KCNIP4: variants seen among roughly 807,000 people sequenced by gnomAD.
The protein encoded by KCNIP4 is Kv channel-interacting protein 4.
KCNIP4 carries 12 observed loss-of-function variants against 34.0 expected under a neutral mutation model. That is an observed-to-expected ratio of 0.35 (90% confidence interval 0.23 to 0.57). KCNIP4 has a LOEUF of 0.57. KCNIP4 is among the 20% of genes least tolerant of loss of function. The pLI is 0.83. For synonymous variants in KCNIP4, 124 were observed against 102.2 expected (o/e 1.21, Z -1.29); for missense variants, 238 against 311.7 (o/e 0.76, Z 1.78).
chr4:20,878,453 T>C (rs113224397), intron 2 of KCNIP4, among the ~76,000 whole-genome samples: 1 of 152,192 alleles, frequency 6.6e-6, no homozygotes, highest in African/African-American at 2.4e-5. Context: ...CCAATCAAGA[T>C]ATGTCCCCTG....
intron 1 of KCNIP4, among the ~76,000 whole-genome samples, chr4:21,661,947 G>T (rs556257304): frequency 6.6e-6 from 1 of 152,050 alleles, no homozygotes; most frequent in Non-Finnish European, 1.5e-5. Context: ...CAGTTTTCTC[G>T]CTGTAAGAGA....
intron 1 of KCNIP4, among the ~76,000 whole-genome samples, chr4:21,345,557 C>A (rs1398350247): frequency 1.3e-5 from 2 of 151,942 alleles, no homozygotes; most frequent in Non-Finnish European, 2.9e-5. Context: ...AAACTTTGTC[C>A]TACTCCAATG....
intron 1 of KCNIP4, among the ~76,000 whole-genome samples, chr4:21,642,270 C>T (rs202104699): frequency 6.6e-6 from 1 of 151,194 alleles, no homozygotes; most frequent in Non-Finnish European, 1.5e-5. Flanking sequence ...TTTGAAGACT[C>T]GGTTACAGTG....
At chr4:21,477,518 T>G (rs1477291615) in intron 1 of KCNIP4, among the ~76,000 whole-genome samples, 1 of 152,114 alleles carries the variant, frequency 6.6e-6, no homozygotes, top group African/African-American at 2.4e-5. Flanking sequence ...GGGCCACAAC[T>G]CCACAGCTTA....
At chr4:21,753,124 T>C (rs1717264953) in intron 1 of KCNIP4, among the ~76,000 whole-genome samples, 1 of 152,138 alleles carries the variant, frequency 6.6e-6, no homozygotes. Flanking sequence ...ATATCTGGCA[T>C]GTTTGAGTGA....
intron 1 of KCNIP4, among the ~76,000 whole-genome samples, chr4:21,895,165 A>T (rs28485804): frequency 0.32 from 48,654 of 152,028 alleles, 8,251 homozygotes; most frequent in African/African-American, 0.44. Flanking sequence ...GCCCTAGAGT[A>T]TTTGTTTGTT....
At chr4:21,003,873 AT>A (rs1738339368) in intron 1 of KCNIP4, among the ~76,000 whole-genome samples, 1 of 152,164 alleles carries the variant, frequency 6.6e-6, no homozygotes, top group South Asian at 2.1e-4. Context: ...AAGCAAAGGT[AT>A]GGGGGGTCTG....
At chr4:21,156,425 T>G (rs1753150388) in intron 1 of KCNIP4, among the ~76,000 whole-genome samples, 1 of 152,152 alleles carries the variant, frequency 6.6e-6, no homozygotes, top group Non-Finnish European at 1.5e-5. Context: ...TAGGGGATCA[T>G]GAAACAATTA....
chr4:21,234,789 A>T (rs1268688772), intron 1 of KCNIP4, among the ~76,000 whole-genome samples: 1 of 151,504 alleles, frequency 6.6e-6, no homozygotes, highest in Non-Finnish European at 1.5e-5. Flanking sequence ...CTGAGATTAC[A>T]GGTGCCCGCT....
In KCNIP4 at chr4:21,793,860, A is replaced by G. The variant is rs1251474287; in HGVS notation, c.61+154711T>C. ...GTATGTTTATTGTGTCACTATTCACAATAGCAAAGACTTGGAACCAACCCA... is the reference window on the plus strand; with the variant it reads ...GTATGTTTATTGTGTCACTATTCACGATAGCAAAGACTTGGAACCAACCCA... On this transcript the variant is annotated intron_variant, in intron 1 of 8. Coordinates refer to ENST00000382152, the MANE Select transcript of KCNIP4 (RefSeq NM_025221.6). Among the ~76,000 whole-genome samples the G allele has an allele frequency of 2.0e-5, 3 of 152,202 alleles. No individual in the cohort carries two copies. The South Asian group carries it at 6.2e-4, about 31-fold the overall frequency.
At chr4:20,806,393 T>A (rs1715092049) in intron 3 of KCNIP4, among the ~76,000 whole-genome samples, 1 of 152,072 alleles carries the variant, frequency 6.6e-6, no homozygotes, top group African/African-American at 2.4e-5. Flanking sequence ...ACTACTTCAA[T>A]GCATTTTACT....
chr4:20,806,465 T>C (rs921224990), intron 3 of KCNIP4, among the ~76,000 whole-genome samples: 13 of 152,066 alleles, frequency 8.5e-5, no homozygotes, highest in African/African-American at 3.1e-4. Flanking sequence ...TTGTTGCAAC[T>C]TGTTTTCTTT....
intron 1 of KCNIP4, among the ~76,000 whole-genome samples, chr4:20,934,320 C>A (rs979096903): frequency 6.6e-6 from 1 of 152,164 alleles, no homozygotes; most frequent in African/African-American, 2.4e-5. Flanking sequence ...ATGGTGGCCA[C>A]CTCACCTATG....
At chr4:21,146,204 TTGG>T (rs1400955649) in intron 1 of KCNIP4, among the ~76,000 whole-genome samples, 16 of 152,168 alleles carry the variant, frequency 1.1e-4, no homozygotes, top group Admixed American at 7.2e-4. Flanking sequence ...CGAGACCATC[TTGG>T]CTAACACAGT....
At chr4:20,856,511 C>T (rs1320650616) in intron 2 of KCNIP4, among the ~76,000 whole-genome samples, 2 of 152,076 alleles carry the variant, frequency 1.3e-5, no homozygotes, top group Non-Finnish European at 2.9e-5. Context: ...TTGTTTTCTC[C>T]ATTGTGAGTT....
At chr4:21,561,664 A>G (rs1159284429) in intron 1 of KCNIP4, among the ~76,000 whole-genome samples, 4 of 151,922 alleles carry the variant, frequency 2.6e-5, no homozygotes, top group Admixed American at 6.6e-5. Context: ...CAGACAAAAA[A>G]GTTAAAAAAA....
intron 1 of KCNIP4, among the ~76,000 whole-genome samples, chr4:21,864,910 A>G (rs568496549): frequency 6.6e-6 from 1 of 152,380 alleles, no homozygotes. Context: ...AGACATATGC[A>G]GAAGCAGCAA....
chr4:20,862,971 T>C (rs1412709200), intron 2 of KCNIP4, among the ~76,000 whole-genome samples: 3 of 151,952 alleles, frequency 2.0e-5, no homozygotes, highest in Non-Finnish European at 4.4e-5. Context: ...CCTAGTGGAA[T>C]GTGGAGGGTG....
chr4:20,768,300 ACTC>A (rs1260278964), intron 3 of KCNIP4, among the ~76,000 whole-genome samples: 1 of 152,088 alleles, frequency 6.6e-6, no homozygotes, highest in Non-Finnish European at 1.5e-5. Flanking sequence ...CATTTTTAGA[ACTC>A]CTAAGACCAA....
Sources: gnomAD v4.1 joint callset for allele counts (sites outside exome capture counted in the v4.1 genomes callset) on GRCh38, gnomAD v4.1.1 for gene constraint, MANE v1.5 for transcripts, NCBI Gene and HGNC (gene_info 2026-07-23, HGNC 2026-07-21) for gene names.